Variants in BTBD8 observed in about 807,000 individuals in gnomAD.
The protein encoded by BTBD8 is BTB/POZ domain-containing protein 8.
A neutral mutation model predicts 162.9 loss-of-function variants in BTBD8; 110 were observed. The ratio of observed to expected loss-of-function variants is 0.68; its 90% CI spans 0.58 to 0.79. The LOEUF (loss-of-function observed/expected upper bound fraction) is 0.79, where lower values mean the gene tolerates loss of function less well. BTBD8 is among the 30% of genes least tolerant of loss of function. The pLI is 0.00. For synonymous variants in BTBD8, 667 were observed against 716.1 expected, an observed-to-expected ratio of 0.93 and a Z score of 1.10; for missense variants, 1,905 against 2,085.4, an observed-to-expected ratio of 0.91 and a Z score of 1.68.
intron 4 of BTBD8, among the ~76,000 whole-genome samples, chr1:92,112,567 A>G (rs1570724838): frequency 6.6e-6 from 1 of 152,212 alleles, no homozygotes. Context: ...AAATTATAGT[A>G]TACAAAAATA....
At chr1:92,128,150 C>T (rs1409983383) in intron 4 of BTBD8, among the ~76,000 whole-genome samples, 4 of 151,676 alleles carry the variant, frequency 2.6e-5, no homozygotes, top group African/African-American at 4.8e-5. Context: ...GAGTTTCGCT[C>T]TTGTTGCCCA....
Position 92,182,310 on chromosome 1 carries a change from TC to T in BTBD8, c.4629del (p.Ser1544ValfsTer13). ...AAAAAAGAACACAATAGACGTCCTA[TC>T]CAGTAGAAGCAGACAGCTTCTTCGA... ...TEKKNTIDVL[S>X]SRSRQLLRED... On this transcript the variant is annotated frameshift_variant, in exon 17 of 18. Coordinates refer to ENST00000636805, the MANE Select transcript of BTBD8 (RefSeq NM_001376131.1). LOFTEE classifies it high-confidence loss of function. The T allele has an allele frequency of 6.4e-7, 1 of 1,551,152 alleles. No individual in the cohort carries two copies.
chr1:92,080,784 G>C lies in BTBD8; in HGVS notation c.149+64G>C, dbSNP rs1426922153. The C allele has an allele frequency of 2.6e-6, 4 of 1,549,600 alleles. No individual in the cohort carries two copies. In the Admixed American group the frequency reaches 8.7e-5, roughly 34 times the overall value. On this transcript the variant is annotated intron_variant, in intron 1 of 17. Transcript: ENST00000636805. ...AATCGCCCACCTCCGCCCCGAAGCT[G>C]AGGCTTCTTTCGGCTCTGCCTCCCC...
intron 4 of BTBD8, among the ~76,000 whole-genome samples, chr1:92,123,073 G>T (rs1649258309): frequency 6.6e-6 from 1 of 152,104 alleles, no homozygotes; most frequent in Non-Finnish European, 1.5e-5. Flanking sequence ...CAAACATCCT[G>T]TTGTTCCAGT....
At chr1:92,178,715 T>G (rs532210718) in intron 16 of BTBD8, among the ~76,000 whole-genome samples, 2 of 152,242 alleles carry the variant, frequency 1.3e-5, no homozygotes, top group East Asian at 3.9e-4. Context: ...TACAGTGGCA[T>G]GATCACACTG....
intron 2 of BTBD8, among the ~76,000 whole-genome samples, chr1:92,093,186 A>AT: frequency 8.5e-6 from 1 of 117,796 alleles, no homozygotes. Context: ...TTGAAATACC[A>AT]ATTTTTTTTT....
At chr1:92,174,698 G>T (rs1332739624) in intron 13 of BTBD8, among the ~76,000 whole-genome samples, 1 of 152,042 alleles carries the variant, frequency 6.6e-6, no homozygotes, top group Non-Finnish European at 1.5e-5. Flanking sequence ...CGTTTTAAAT[G>T]TTAGAATCCT....
intron 4 of BTBD8, among the ~76,000 whole-genome samples, chr1:92,111,795 G>T (rs1648901138): frequency 1.3e-5 from 2 of 152,188 alleles, no homozygotes; most frequent in Admixed American, 1.3e-4. Flanking sequence ...ATATCTGTAA[G>T]ACTGGCACAT....
chr1:92,181,902 C>A lies in BTBD8; in HGVS notation c.4219C>A (p.Gln1407Lys), dbSNP rs761740386. The A allele has an allele frequency of 2.2e-5, 34 of 1,551,444 alleles. No individual in the cohort carries two copies. ...ENFSISNPAP[Q>K]QFQGIINLAF... ...TTTCTCTATATCTAACCCAGCTCCT[C>A]AGCAGTTTCAGGGAATAATTAATTT... Residue 1407 changes from glutamine (Q) to lysine (K), a missense_variant, in exon 17 of 18, where the codon CAG becomes AAG. Transcript: ENST00000636805.
chr1:92,184,324 GCATTAAGTGTTAA>G lies in BTBD8; in HGVS notation c.5378_*11del, dbSNP rs1557471096. On this transcript the variant is annotated stop_lost and 3_prime_UTR_variant, in exon 18 of 18. Coordinates refer to ENST00000636805, the MANE Select transcript of BTBD8 (RefSeq NM_001376131.1). ...GGACAATTCTGGAACTGGAAACTCAGCATTAAGTGTTAACATTTTGGAAAAATTTATGCCACTC... is the reference window on the plus strand; with the variant it reads ...GGACAATTCTGGAACTGGAAACTCAGCATTTTGGAAAAATTTATGCCACTC... 6 of 1,538,274 alleles carry G rather than the reference GCATTAAGTGTTAA, an allele frequency of 3.9e-6. No homozygotes were observed. Among genetic ancestry groups the G allele is most frequent in the Non-Finnish European group, 5.3e-6 (6 of 1,140,658 alleles).
chr1:92,180,727 C>T lies in BTBD8; in HGVS notation c.3044C>T (p.Pro1015Leu), dbSNP rs1388737041. The stretch of plus-strand genomic sequence containing the variant: ...TCCTGCAGGCCTGACCCACAAAAGC[C>T]ATTAAACGATCAAGAAAAAGAGAAG... ...QSSCRPDPQK[P>L]LNDQEKEKLA... The change falls in exon 17 of 18, where the codon CCA becomes CTA. Residue 1015 changes from proline to leucine, a missense_variant. This residue lies in a region of BTBD8 where 1,374 missense variants were observed against 1,442.7 expected (regional missense o/e 0.95). Coordinates refer to ENST00000636805, the MANE Select transcript of BTBD8 (RefSeq NM_001376131.1). 4 of 1,551,676 alleles carry T rather than the reference C, an allele frequency of 2.6e-6. No individual in the cohort carries two copies. The Admixed American group carries it at 5.9e-5, about 23-fold the overall frequency.
intron 4 of BTBD8, among the ~76,000 whole-genome samples, chr1:92,120,589 AG>A (rs1442916558): frequency 2.6e-5 from 4 of 152,232 alleles, no homozygotes; most frequent in African/African-American, 9.6e-5. Flanking sequence ...CTGGCAGCAC[AG>A]TAGGTTTATT....
chr1:92,108,372 G>A (rs1001805579), intron 4 of BTBD8, among the ~76,000 whole-genome samples: 1 of 152,196 alleles, frequency 6.6e-6, no homozygotes, highest in African/African-American at 2.4e-5. Flanking sequence ...AGAAAATGTA[G>A]TTAAATGCAG....
At chr1:92,132,936 T>C (rs1649546736) in intron 5 of BTBD8, among the ~76,000 whole-genome samples, 1 of 152,220 alleles carries the variant, frequency 6.6e-6, no homozygotes. Flanking sequence ...ATACCCTTTA[T>C]TATTATTATC....
At chr1:92,093,735 A>G (rs1648378035) in intron 2 of BTBD8, among the ~76,000 whole-genome samples, 1 of 152,226 alleles carries the variant, frequency 6.6e-6, no homozygotes, top group Non-Finnish European at 1.5e-5. Context: ...TAAGCACTGA[A>G]TAAGATTGTT....
chr1:92,182,809 T>A (rs1650953673), intron 17 of BTBD8, among the ~76,000 whole-genome samples: 1 of 152,064 alleles, frequency 6.6e-6, no homozygotes, highest in Non-Finnish European at 1.5e-5. Context: ...CTAGTAAAAA[T>A]TTTGATTGTT....
At chr1:92,174,389 C>T (rs573037328) in intron 13 of BTBD8, among the ~76,000 whole-genome samples, 2 of 152,104 alleles carry the variant, frequency 1.3e-5, no homozygotes, top group East Asian at 1.9e-4. Flanking sequence ...CGGGGTTTTG[C>T]CATGTTGCCT....
chr1:92,107,380 G>C (rs907019277), intron 3 of BTBD8, among the ~76,000 whole-genome samples: 1 of 152,088 alleles, frequency 6.6e-6, no homozygotes, highest in Non-Finnish European at 1.5e-5. Context: ...TATGACAAAG[G>C]TTTCATAAGA....
intron 1 of BTBD8, among the ~76,000 whole-genome samples, chr1:92,085,188 A>G (rs1040564224): frequency 2.6e-5 from 4 of 152,266 alleles, no homozygotes; most frequent in African/African-American, 4.8e-5. Flanking sequence ...TGCTTAGTAC[A>G]TAGTATGTGC....
Sources: allele counts gnomAD v4.1 joint callset (sites outside exome capture counted in the v4.1 genomes callset), GRCh38; gene constraint gnomAD v4.1.1; regional missense constraint gnomAD v4.1.1; transcripts MANE v1.5; gene names NCBI Gene and HGNC (gene_info 2026-07-23, HGNC 2026-07-21).